LMBRD2: variants seen among roughly 807,000 people sequenced by gnomAD.
The protein encoded by LMBRD2 is LMBR1 domain containing 2.
A neutral mutation model predicts 94.4 loss-of-function variants in LMBRD2; 55 were observed. That is an observed-to-expected ratio of 0.58 (90% CI 0.47 to 0.73). The LOEUF is 0.73. Among genes scored for constraint, LMBRD2 ranks in the 30% least tolerant of loss-of-function variants. The probability of loss-of-function intolerance (pLI) is 0.00; values close to 1 mark genes in which losing one functional copy is unlikely to be tolerated. For synonymous variants in LMBRD2, 246 were observed against 272.4 expected (o/e 0.90, Z 0.95); for missense variants, 640 against 831.9 (o/e 0.77, Z 2.84).
chr5:36,110,383 T>G (rs1743576043), intron 14 of LMBRD2, among the ~76,000 whole-genome samples: 1 of 152,010 alleles, frequency 6.6e-6, no homozygotes, highest in Non-Finnish European at 1.5e-5. Flanking sequence ...TCACTTTTTT[T>G]CCCCCAGGAT....
chr5:36,115,512 CAT>C (rs1248075133), intron 11 of LMBRD2, among the ~76,000 whole-genome samples: 2 of 152,176 alleles, frequency 1.3e-5, no homozygotes, highest in African/African-American at 2.4e-5. Flanking sequence ...GTTGTATCAA[CAT>C]ATGTCATTCT....
At position 36,116,515 on chromosome 5, in the gene LMBRD2, A is replaced by G. The variant is rs769324032; in HGVS notation, c.1381T>C (p.Tyr461His). The G allele has an allele frequency of 1.9e-6, 3 of 1,612,970 alleles. No homozygotes were observed. The South Asian group carries it at 3.3e-5, about 18-fold the overall frequency. ...TVFRIRVFNY[Y>H]YLASHHQTDA... ...GTCTGGTGATGTGAGGCCAAATAAT[A>G]ATAGTTAAATACACGAATCCTGAAC... is the stretch of plus-strand genomic sequence containing the variant. The change falls in exon 11 of 18, where the codon TAT (tyrosine) becomes CAT (histidine). Residue 461 changes from tyrosine (Y) to histidine (H), a missense_variant. Physicochemically the swap from Tyr to His is moderately conservative, Grantham distance 83. Transcript: ENST00000296603.
chr5:36,138,217 T>G (rs1744317197), intron 4 of LMBRD2, among the ~76,000 whole-genome samples: 1 of 152,118 alleles, frequency 6.6e-6, no homozygotes, highest in African/African-American at 2.4e-5. Flanking sequence ...AGAACCTGTA[T>G]GTATAAGTGG....
At position 36,111,206 on chromosome 5, in the gene LMBRD2, C is replaced by T; in HGVS notation, c.1693G>A (p.Asp565Asn). 1 of 1,611,968 alleles carries T rather than the reference C, an allele frequency of 6.2e-7. No homozygotes were observed. The highest frequency in any genetic ancestry group is 8.5e-7 in the Non-Finnish European group (1 of 1,178,746). The change falls in exon 14 of 18, where the codon GAT (aspartate) becomes AAT (asparagine). Residue 565 changes from aspartate (D) to asparagine (N), a missense_variant. Transcript: ENST00000296603. Reference protein sequence around the residue: ...LLGFQQFMGDDDMTSDLVNEG... With the variant: ...LLGFQQFMGDNDMTSDLVNEG... ...TTAACTAAGTCTGATGTCATATCAT[C>T]ATCTCCCATAAACTGCTGGAAACCG...
chr5:36,118,142 G>A (rs1316758045), intron 9 of LMBRD2, among the ~76,000 whole-genome samples: 5 of 152,190 alleles, frequency 3.3e-5, no homozygotes, highest in African/African-American at 1.2e-4. Flanking sequence ...ATGTGACATT[G>A]CTGCTGTGGT....
At chr5:36,118,199 C>G (rs1743804347) in intron 9 of LMBRD2, among the ~76,000 whole-genome samples, 1 of 152,090 alleles carries the variant, frequency 6.6e-6, no homozygotes, top group South Asian at 2.1e-4. Flanking sequence ...AAAGAAACAT[C>G]AAAGTCAAAT....
intron 2 of LMBRD2, 119 bp downstream of exon 2, chr5:36,143,057 T>C: frequency 2.7e-6 from 2 of 750,154 alleles, no homozygotes; most frequent in Non-Finnish European, 4.3e-6. Flanking sequence ...CAAATGGCCA[T>C]ATAATCTTTT....
intron 3 of LMBRD2, 89 bp downstream of exon 3, chr5:36,142,413 A>G: frequency 1.5e-6 from 1 of 673,082 alleles, no homozygotes; most frequent in Non-Finnish European, 2.6e-6. Flanking sequence ...TAACTTACAT[A>G]AATATAAAGT....
intron 1 of LMBRD2, 132 bp from the exon 2 acceptor site, chr5:36,143,538 C>G: frequency 2.4e-6 from 1 of 416,106 alleles, no homozygotes. Flanking sequence ...TCACATTGGA[C>G]TATGAATAAG....
intron 1 of LMBRD2, among the ~76,000 whole-genome samples, chr5:36,144,938 CTTAA>C (rs1430282768): frequency 6.6e-6 from 1 of 151,884 alleles, no homozygotes; most frequent in African/African-American, 2.4e-5. Context: ...TTTCATTTTT[CTTAA>C]TTATCTAAAA....
intron 16 of LMBRD2, among the ~76,000 whole-genome samples, chr5:36,105,575 T>C (rs1315764843): frequency 6.6e-6 from 1 of 152,146 alleles, no homozygotes; most frequent in Non-Finnish European, 1.5e-5. Context: ...AGGACTTTAA[T>C]GTGTAATCAG....
At chr5:36,130,804 C>T (rs953588211) in intron 6 of LMBRD2, among the ~76,000 whole-genome samples, 2 of 152,056 alleles carry the variant, frequency 1.3e-5, no homozygotes, top group African/African-American at 4.8e-5. Context: ...AAATCCAAAA[C>T]CTGAACAGAT....
chr5:36,136,267 A>G (rs1179379700), intron 6 of LMBRD2, 42 bp downstream of exon 6: 1 of 1,576,272 alleles, frequency 6.3e-7, no homozygotes, highest in Non-Finnish European at 8.7e-7. Context: ...GGGGATACAT[A>G]TGACTTAGTG....
intron 6 of LMBRD2, among the ~76,000 whole-genome samples, chr5:36,129,001 G>A (rs1372204339): frequency 2.6e-5 from 4 of 152,202 alleles, no homozygotes; most frequent in African/African-American, 9.7e-5. Flanking sequence ...TGATCATGCA[G>A]AAGAAAGAAT....
At chr5:36,108,177 T>C (rs1743517151) in intron 16 of LMBRD2, among the ~76,000 whole-genome samples, 1 of 152,112 alleles carries the variant, frequency 6.6e-6, no homozygotes, top group Non-Finnish European at 1.5e-5. Context: ...AATAAATTAT[T>C]ATAAAAATGA....
At chr5:36,114,567 T>G (rs1355628356) in intron 12 of LMBRD2, 46 bp from the exon 13 acceptor site, 1 of 1,463,752 alleles carries the variant, frequency 6.8e-7, no homozygotes, top group African/African-American at 1.5e-5. Context: ...AGCTCTATAA[T>G]TTCCATTCCT....
chr5:36,105,309 A>G (rs1246476840), intron 16 of LMBRD2, 112 bp from the exon 17 acceptor site: 2 of 906,440 alleles, frequency 2.2e-6, no homozygotes, highest in Non-Finnish European at 3.4e-6. Flanking sequence ...CTGAAGACAA[A>G]GAACATAAGA....
In LMBRD2 at chr5:36,108,618, G is replaced by T; in HGVS notation, c.1813C>A (p.His605Asn). The change falls in exon 16 of 18, where the codon CAC (histidine) becomes AAC (asparagine). Residue 605 changes from histidine (H) to asparagine (N), a missense_variant. His to Asn is a moderately conservative substitution (Grantham distance 68, BLOSUM62 1). Coordinates refer to ENST00000296603, the MANE Select transcript of LMBRD2 (RefSeq NM_001007527.2). ...RRREWKERYG[H>N]NREDSTRNRN... The stretch of plus-strand genomic sequence containing the variant: ...TTCCTAGTGGAATCTTCTCTATTGT[G>T]TCCATAACGTTCTTTCCATTCCTAG... The T allele has an allele frequency of 6.5e-7, 1 of 1,548,982 alleles. No homozygotes were observed. Among genetic ancestry groups the T allele is most frequent in the Non-Finnish European group, 8.8e-7 (1 of 1,137,184 alleles).
chr5:36,113,284 C>T (rs899316532), intron 13 of LMBRD2, among the ~76,000 whole-genome samples: 2 of 152,188 alleles, frequency 1.3e-5, no homozygotes, highest in East Asian at 1.9e-4. Context: ...CCCCCAGTCA[C>T]GTACCCCCTG....
Sources: gnomAD v4.1 joint callset for allele counts (sites outside exome capture counted in the v4.1 genomes callset) on GRCh38, gnomAD v4.1.1 for gene constraint, MANE v1.5 for transcripts, NCBI Gene and HGNC (gene_info 2026-07-23, HGNC 2026-07-21) for gene names.